ARMC3: variants seen among roughly 807,000 people sequenced by gnomAD.
ARMC3 encodes armadillo repeat-containing protein 3.
ARMC3 carries 74 observed loss-of-function variants against 90.3 expected under a neutral mutation model. The ratio of observed to expected loss-of-function variants is 0.82; its 90% CI spans 0.68 to 0.99. The LOEUF (loss-of-function observed/expected upper bound fraction) is 0.99, where lower values mean the gene tolerates loss of function less well. Among genes scored for constraint, ARMC3 ranks in the 50% least tolerant of loss-of-function variants. The probability of loss-of-function intolerance (pLI) is 0.00; values close to 1 mark genes in which losing one functional copy is unlikely to be tolerated. For missense variants in ARMC3, 958 were observed against 1,042.8 expected, an observed-to-expected ratio of 0.92 and a Z score of 1.12; for synonymous variants, 334 against 361.8, an observed-to-expected ratio of 0.92 and a Z score of 0.87.
intron 7 of ARMC3, among the ~76,000 whole-genome samples, chr10:22,964,576 T>G (rs1238470977): frequency 6.6e-6 from 1 of 151,836 alleles, no homozygotes; most frequent in Non-Finnish European, 1.5e-5. Flanking sequence ...CTAGCTGGGA[T>G]TACAGGCACG....
intron 2 of ARMC3, among the ~76,000 whole-genome samples, chr10:22,937,845 T>G (rs1048964542): frequency 6.6e-6 from 1 of 152,138 alleles, no homozygotes; most frequent in Non-Finnish European, 1.5e-5. Context: ...GTATTGTTCA[T>G]AGGTGATGGA....
intron 11 of ARMC3, among the ~76,000 whole-genome samples, chr10:23,000,160 A>G (rs985203772): frequency 2.6e-5 from 4 of 152,012 alleles, no homozygotes; most frequent in African/African-American, 9.7e-5. Flanking sequence ...CCTGACCTGC[A>G]CCTGCCTACC....
chr10:22,965,384 C>A (rs10828385), intron 7 of ARMC3, among the ~76,000 whole-genome samples: 9,342 of 152,128 alleles, frequency 0.061, 402 homozygotes, highest in Middle Eastern at 0.12. Context: ...TTCTGAATGC[C>A]AGTATTTCTG....
At position 22,929,115 on chromosome 10, in the gene ARMC3, A is replaced by G. The variant is rs187678083; in HGVS notation, c.-2+1009A>G. Among the ~76,000 whole-genome samples, 1,050 of 152,004 alleles carry G rather than the reference A, an allele frequency of 6.9e-3. 5 individuals are homozygous for G. Among genetic ancestry groups the G allele is most frequent in the Non-Finnish European group, 0.012 (797 of 67,958 alleles). ...GTGGCGGGTACCTGTAATCCCAGCT[A>G]CTCAGGAGGCTGAGGCAGGAGAATC... On this transcript the variant is annotated intron_variant, in intron 1 of 18. Transcript: ENST00000298032.
Position 23,003,254 on chromosome 10 carries a change from A to G in ARMC3, c.1571A>G (p.Asp524Gly), listed in dbSNP as rs1249322719. ...ANELCRLGALDILEEVNVSGT... is the reference protein window; with the variant it reads ...ANELCRLGALGILEEVNVSGT... ...TTTGCTTTTATTGACAGGGCTTTAG[A>G]TATCCTTGAAGAAGTTAACGTATCA... is the stretch of plus-strand genomic sequence containing the variant. The change falls in exon 13 of 19, where the codon GAT becomes GGT. Residue 524 changes from aspartate to glycine, a missense_variant. Asp to Gly is a moderately conservative substitution (Grantham distance 94). Transcript: ENST00000298032. 1 of 1,612,022 alleles carries G rather than the reference A, an allele frequency of 6.2e-7. No individual in the cohort carries two copies. Among genetic ancestry groups the G allele is most frequent in the Non-Finnish European group, 8.5e-7 (1 of 1,179,272 alleles).
At chr10:22,929,298 GAGAA>G (rs1019856046) in intron 1 of ARMC3, among the ~76,000 whole-genome samples, 1 of 145,306 alleles carries the variant, frequency 6.9e-6, no homozygotes, top group African/African-American at 2.7e-5. Flanking sequence ...GAGAGAGAAA[GAGAA>G]AGAAAAAGAA....
chr10:22,928,477 G>A (rs1833800391), intron 1 of ARMC3, among the ~76,000 whole-genome samples: 1 of 151,846 alleles, frequency 6.6e-6, no homozygotes, highest in Non-Finnish European at 1.5e-5. Context: ...TAGGCTGAAC[G>A]TTCACGAAGA....
Position 22,981,648 on chromosome 10 carries a change from G to A in ARMC3, c.1123G>A (p.Ala375Thr), listed in dbSNP as rs1405564927. The A allele has an allele frequency of 6.2e-7, 1 of 1,614,154 alleles. No individual in the cohort carries two copies. The highest frequency in any genetic ancestry group is 1.7e-5 in the Admixed American group (1 of 60,022). ...LKSDNEEVRE[A>T]AALALANLTT... ...AAGTGACAATGAAGAGGTACGGGAA[G>A]CAGCAGCTCTAGCCCTGGCAAACCT... is the stretch of plus-strand genomic sequence containing the variant. Residue 375 changes from alanine to threonine, a missense_variant, in exon 10 of 19, where the codon GCA becomes ACA. Ala to Thr is a moderately conservative substitution (Grantham distance 58, BLOSUM62 0). Coordinates refer to ENST00000298032, the MANE Select transcript of ARMC3 (RefSeq NM_173081.5).
chr10:22,964,000 A>G lies in ARMC3; in HGVS notation c.732+1922A>G, dbSNP rs1439060739. Among the ~76,000 whole-genome samples the G allele has an allele frequency of 4.0e-5, 6 of 151,578 alleles. No homozygotes were observed. The East Asian group carries it at 5.8e-4, about 15-fold the overall frequency. On this transcript the variant is annotated intron_variant, in intron 7 of 18. Coordinates refer to ENST00000298032, the MANE Select transcript of ARMC3 (RefSeq NM_173081.5). ...GTAAAACTGTATTTATTCAGATTGCATGACCATTTATACAGAAAATCTTAA... is the reference window on the plus strand; with the variant it reads ...GTAAAACTGTATTTATTCAGATTGCGTGACCATTTATACAGAAAATCTTAA...
At chr10:22,994,902 T>A (rs924223644) in intron 10 of ARMC3, among the ~76,000 whole-genome samples, 1 of 152,266 alleles carries the variant, frequency 6.6e-6, no homozygotes, top group Non-Finnish European at 1.5e-5. Context: ...TTTCATACAT[T>A]CCCATATTTG....
chr10:23,015,004 GA>G (rs1298095779), intron 16 of ARMC3, among the ~76,000 whole-genome samples: 1 of 150,922 alleles, frequency 6.6e-6, no homozygotes, highest in African/African-American at 2.4e-5. Context: ...GATCATAAAG[GA>G]AAAAAATAAA....
Position 22,931,951 on chromosome 10 carries a change from G to T in ARMC3, c.-1-45G>T, listed in dbSNP as rs748936489. 5.3e-6 allele frequency: 8 copies of T among 1,520,938 alleles called. No individual in the cohort carries two copies. The South Asian group carries it at 8.3e-5, about 16-fold the overall frequency. 94.2% of individuals were successfully genotyped at this position (1,520,938 alleles called of 1,614,324 possible). ...TCAAGGGCACAGGTAATTGAGAAAT[G>T]TATGTGCAAATGTCACTTTAACCAT... On this transcript the variant is annotated intron_variant, in intron 1 of 18. Coordinates refer to ENST00000298032, the MANE Select transcript of ARMC3 (RefSeq NM_173081.5).
chr10:23,027,187 AT>A (rs1302876937), intron 16 of ARMC3, among the ~76,000 whole-genome samples: 6 of 152,222 alleles, frequency 3.9e-5, no homozygotes, highest in Non-Finnish European at 7.4e-5. Flanking sequence ...TAGGAATTGC[AT>A]TAAAACCAGA....
At chr10:22,990,678 G>C (rs541191974) in intron 10 of ARMC3, among the ~76,000 whole-genome samples, 24 of 152,278 alleles carry the variant, frequency 1.6e-4, no homozygotes, top group Admixed American at 6.5e-5. Flanking sequence ...GGTCTGTTCT[G>C]TAGGTCCCCA....
At chr10:22,973,146 T>A (rs1835748602) in intron 8 of ARMC3, among the ~76,000 whole-genome samples, 1 of 151,706 alleles carries the variant, frequency 6.6e-6, no homozygotes, top group Non-Finnish European at 1.5e-5. Context: ...AAATTTTTTT[T>A]AAATGAGCCA....
intron 6 of ARMC3, 29 bp downstream of exon 6, chr10:22,959,603 A>G: frequency 6.5e-7 from 1 of 1,549,916 alleles, no homozygotes; most frequent in Non-Finnish European, 8.7e-7. Flanking sequence ...AAGCGTTCTG[A>G]TGAAAGCTCA....
intron 10 of ARMC3, among the ~76,000 whole-genome samples, chr10:22,982,239 G>A (rs569144561): frequency 3.7e-4 from 56 of 152,282 alleles, no homozygotes; most frequent in African/African-American, 1.1e-3. Flanking sequence ...ATAGCTGGGC[G>A]TGGTGGCATG....
chr10:22,968,402 A>G lies in ARMC3; in HGVS notation c.829A>G (p.Lys277Glu). The G allele has an allele frequency of 5.0e-6, 8 of 1,613,464 alleles. No homozygotes were observed. Among genetic ancestry groups the G allele is most frequent in the Middle Eastern group, 1.7e-4 (1 of 6,050 alleles). The change falls in exon 8 of 19, where the codon AAA (lysine) becomes GAA (glutamate). Residue 277 changes from lysine to glutamate, a missense_variant. Physicochemically the swap from Lys to Glu is moderately conservative, Grantham distance 56. Transcript: ENST00000298032. ...GCAGATTCAGCAGACAGGGGGTCTTAAAAAGCTCCTGTCATTTGCAGAAAA... is the reference window on the plus strand; with the variant it reads ...GCAGATTCAGCAGACAGGGGGTCTTGAAAAGCTCCTGTCATTTGCAGAAAA... ...MVQIQQTGGL[K>E]KLLSFAENST...
intron 16 of ARMC3, among the ~76,000 whole-genome samples, chr10:23,019,141 G>A (rs555611104): frequency 7.9e-5 from 12 of 152,318 alleles, no homozygotes; most frequent in African/African-American, 1.9e-4. Flanking sequence ...GTATTTTAAC[G>A]AAACGATGAT....
Sources: allele counts gnomAD v4.1 joint callset (sites outside exome capture counted in the v4.1 genomes callset), GRCh38; gene constraint gnomAD v4.1.1; transcripts MANE v1.5; gene names NCBI Gene and HGNC (gene_info 2026-07-23, HGNC 2026-07-21).